The following MACF1 variants were observed in gnomAD, a reference collection of about 807,000 sequenced individuals.
MACF1 encodes the protein microtubule actin crosslinking factor 1, also known as microtubule-actin cross-linking factor 1.
A neutral mutation model predicts 854.8 loss-of-function variants in MACF1; 193 were observed. That is an observed-to-expected ratio of 0.23 (90% CI 0.20 to 0.25). MACF1 has a LOEUF of 0.25. MACF1 is among the 10% of genes least tolerant of loss of function. MACF1 has a pLI of 1.00. For synonymous variants in MACF1, 3,185 were observed against 3,226.7 expected (o/e 0.99, Z 0.44); for missense variants, 7,722 against 8,929.1 (o/e 0.86, Z 5.45).
intron 4 of MACF1, 29 bp from the exon 5 acceptor site, chr1:39,254,269 T>G (rs1375580960): frequency 1.3e-6 from 2 of 1,582,820 alleles, no homozygotes; most frequent in African/African-American, 2.7e-5. Flanking sequence ...GTAGCCAGAA[T>G]TAACATCCCT....
chr1:39,352,252 C>A (rs972078855), intron 43 of MACF1, among the ~76,000 whole-genome samples: 1 of 152,142 alleles, frequency 6.6e-6, no homozygotes, highest in African/African-American at 2.4e-5. Flanking sequence ...AATATAATTT[C>A]AGAGGCAAGT....
chr1:39,405,184 T>C (rs1462504939), intron 58 of MACF1, among the ~76,000 whole-genome samples: 3 of 152,176 alleles, frequency 2.0e-5, no homozygotes, highest in South Asian at 4.1e-4. Flanking sequence ...CGTGTCATGC[T>C]ATGTTGCTTT....
Position 39,388,301 on chromosome 1 carries a change from T to C in MACF1, c.15459T>C (p.Asp5153=). ...DGMGAIGRDT[D]SLQSQIEDVR... is the part of the protein sequence containing the mutation. ...TGGGTGCTATTGGCAGAGACACTGATAGCCTCCAGTCCCAAATCGAGGATG... is the reference window on the plus strand; with the variant it reads ...TGGGTGCTATTGGCAGAGACACTGACAGCCTCCAGTCCCAAATCGAGGATG... The change falls in exon 58 of 101, where the codon GAT becomes GAC. Residue 5153 remains aspartate (D), a synonymous_variant. Coordinates refer to ENST00000564288, the MANE Select transcript of MACF1 (RefSeq NM_001394062.1). 6.2e-7 allele frequency: 1 copy of C among 1,614,194 alleles called. No individual in the cohort carries two copies. Among genetic ancestry groups the C allele is most frequent in the East Asian group, 2.2e-5 (1 of 44,890 alleles).
intron 93 of MACF1, among the ~76,000 whole-genome samples, chr1:39,462,698 G>C (rs1040566732): frequency 6.6e-6 from 1 of 152,152 alleles, no homozygotes; most frequent in African/African-American, 2.4e-5. Context: ...CTGGGCAACA[G>C]AGCAAGACTT....
At chr1:39,438,053 T>G in intron 71 of MACF1, 45 bp downstream of exon 71, 1 of 1,554,826 alleles carries the variant, frequency 6.4e-7, no homozygotes, top group Non-Finnish European at 8.8e-7. Flanking sequence ...CAGAATAAAT[T>G]CTAGGCTGTG....
upstream of MACF1, among the ~76,000 whole-genome samples, chr1:39,202,642 A>G (rs1352931275): frequency 6.6e-6 from 1 of 152,062 alleles, no homozygotes; most frequent in African/African-American, 2.4e-5. Context: ...CTCAAAAAAA[A>G]AAAAAGTAAA....
chr1:39,288,885 T>TTAAC (rs999247046), intron 15 of MACF1, among the ~76,000 whole-genome samples: 7 of 152,236 alleles, frequency 4.6e-5, no homozygotes, highest in African/African-American at 1.7e-4. Context: ...TATTCATTCT[T>TTAAC]TATTTTTTTG....
intron 2 of MACF1, among the ~76,000 whole-genome samples, chr1:39,144,392 A>G (rs1643417143): frequency 6.6e-6 from 1 of 151,914 alleles, no homozygotes. Context: ...GAAATTTCTT[A>G]AACTTTTATT....
chr1:39,127,051 C>T (rs1005274283), intron 2 of MACF1, among the ~76,000 whole-genome samples: 4 of 151,756 alleles, frequency 2.6e-5, no homozygotes, highest in African/African-American at 9.7e-5. Context: ...GGCGAAACCC[C>T]GACTCTACTA....
intron 2 of MACF1, among the ~76,000 whole-genome samples, chr1:39,244,483 A>G (rs1006823524): frequency 2.0e-5 from 3 of 151,534 alleles, no homozygotes; most frequent in African/African-American, 7.3e-5. Flanking sequence ...GGATTTCACT[A>G]TGTTGGCCAG....
chr1:39,333,693 G>A lies in MACF1; in HGVS notation c.7105G>A (p.Ala2369Thr), dbSNP rs781659171. Residue 2369 changes from alanine (A) to threonine (T), a missense_variant, in exon 37 of 101, where the codon GCT becomes ACT. Coordinates refer to ENST00000564288, the MANE Select transcript of MACF1 (RefSeq NM_001394062.1). ...ACATAATGTCCTCATGGCAGACAAA[G>A]CTATAAGTGGTGTCTTAGACCCCCG... is the stretch of plus-strand genomic sequence containing the variant. ...LLHNVLMADK[A>T]ISGVLDPRTQ... 6.2e-7 allele frequency: 1 copy of A among 1,614,216 alleles called. No individual in the cohort carries two copies. The highest frequency in any genetic ancestry group is 8.5e-7 in the Non-Finnish European group (1 of 1,180,040).
rs144175005 is a variant in MACF1, at chr1:39,096,650, T to C, written c.220+12212T>C. 4.7e-3 allele frequency among the ~76,000 whole-genome samples: 711 copies of C among 152,132 alleles called. 6 individuals carry two copies. Among genetic ancestry groups the C allele is most frequent in the South Asian group, 0.041 (196 of 4,806 alleles). ...ACATACTTCTACCTTCCTCCGTTTT[T>C]GTTTTTGAGACAGAGTTTTGCTCTG... is the stretch of plus-strand genomic sequence containing the variant. On this transcript the variant is annotated intron_variant, in intron 2 of 93. Coordinates refer to the MACF1 transcript ENST00000361689.
chr1:39,141,996 A>G (rs1437610848), intron 2 of MACF1, among the ~76,000 whole-genome samples: 3 of 152,124 alleles, frequency 2.0e-5, no homozygotes, highest in East Asian at 1.9e-4. Context: ...TCCTTTTCCC[A>G]TTTCTCTTTC....
intron 89 of MACF1, among the ~76,000 whole-genome samples, chr1:39,456,103 G>A (rs1303514194): frequency 6.6e-6 from 1 of 152,176 alleles, no homozygotes; most frequent in Non-Finnish European, 1.5e-5. Flanking sequence ...GGAGGCCAAG[G>A]GGGGCAGATC....
chr1:39,450,917 G>A, intron 84 of MACF1, 135 bp from the exon 85 acceptor site: 1 of 1,044,796 alleles, frequency 9.6e-7, no homozygotes, highest in South Asian at 1.6e-5. Flanking sequence ...GGCCTTTACT[G>A]TATTTCTAAC....
intron 2 of MACF1, among the ~76,000 whole-genome samples, chr1:39,158,030 A>C (rs999572937): frequency 3.9e-5 from 6 of 152,206 alleles, no homozygotes; most frequent in Non-Finnish European, 2.9e-5. Flanking sequence ...AGTTCCTTAC[A>C]ACAAAGATGC....
At chr1:39,268,646 G>A (rs185748673) in intron 6 of MACF1, 2 of 1,212,536 alleles carry the variant, frequency 1.6e-6, no homozygotes, top group East Asian at 1.1e-4. Context: ...ATTTCTGTGG[G>A]ATCCCAGGAC....
chr1:39,319,290 C>T (rs1453918619), intron 30 of MACF1, among the ~76,000 whole-genome samples: 1 of 152,060 alleles, frequency 6.6e-6, no homozygotes, highest in African/African-American at 2.4e-5. Flanking sequence ...TAGCAGCATC[C>T]GTATCACCTG....
intron 2 of MACF1, among the ~76,000 whole-genome samples, chr1:39,156,117 C>T (rs372062588): frequency 6.6e-6 from 1 of 152,096 alleles, no homozygotes; most frequent in Non-Finnish European, 1.5e-5. Flanking sequence ...CCTCGTGATC[C>T]GCCTGCCTCG....
Sources: allele counts gnomAD v4.1 joint callset (sites outside exome capture counted in the v4.1 genomes callset), GRCh38; gene constraint gnomAD v4.1.1; transcripts MANE v1.5; gene names NCBI Gene and HGNC (gene_info 2026-07-23, HGNC 2026-07-21).